The following CLSTN2 variants were observed in gnomAD, a reference collection of about 807,000 sequenced individuals.
CLSTN2 encodes calsyntenin 2, also known as calsyntenin-2.
In CLSTN2, 48 loss-of-function variants were observed where a neutral mutation model predicts 101.2. That is an observed-to-expected ratio of 0.47 (90% CI 0.38 to 0.60). The LOEUF is 0.60. Among genes scored for constraint, CLSTN2 ranks in the 20% least tolerant of loss-of-function variants. The pLI, the probability that CLSTN2 is intolerant of heterozygous loss-of-function variation, is 0.00. For synonymous variants in CLSTN2, 481 were observed against 463.6 expected (o/e 1.04, Z -0.48); for missense variants, 1,160 against 1,238.2 (o/e 0.94, Z 0.95).
intron 5 of CLSTN2, among the ~76,000 whole-genome samples, chr3:140,445,607 A>C (rs1207271225): frequency 2.0e-5 from 3 of 152,174 alleles, no homozygotes; most frequent in Non-Finnish European, 4.4e-5. Context: ...GAGGAGAGAT[A>C]GATGATTCTA....
chr3:140,477,674 T>C (rs1019221510), intron 8 of CLSTN2, among the ~76,000 whole-genome samples: 1 of 152,202 alleles, frequency 6.6e-6, no homozygotes, highest in Non-Finnish European at 1.5e-5. Flanking sequence ...CCAAGCACCA[T>C]GCTCCAAAGC....
rs539935843 is a variant in CLSTN2, at chr3:140,289,575, T to A, written c.232+113502T>A. Among the ~76,000 whole-genome samples, 3 of 152,300 alleles carry A rather than the reference T, an allele frequency of 2.0e-5. No individual in the cohort carries two copies. In the East Asian group the frequency reaches 5.8e-4, roughly 29 times the overall value. On this transcript the variant is annotated intron_variant, in intron 2 of 16. Coordinates refer to ENST00000458420, the MANE Select transcript of CLSTN2 (RefSeq NM_022131.3). Reference sequence around the variant, plus strand: ...ACTGGGTCTCTGACCCTTTCATGGCTTCTCATTGCCTCCAGAATCAAGACC... The same window carrying A: ...ACTGGGTCTCTGACCCTTTCATGGCATCTCATTGCCTCCAGAATCAAGACC...
At chr3:140,021,562 G>A (rs951839625) in intron 1 of CLSTN2, among the ~76,000 whole-genome samples, 1 of 152,142 alleles carries the variant, frequency 6.6e-6, no homozygotes, top group Non-Finnish European at 1.5e-5. Flanking sequence ...GGTGGGTTGT[G>A]TGTGTTTATG....
intron 8 of CLSTN2, chr3:140,507,283 T>C (rs1326525653): frequency 6.6e-6 from 1 of 152,232 alleles, no homozygotes; most frequent in African/African-American, 2.4e-5. Context: ...ACTAGTGTTA[T>C]CATTTCTGTT....
At chr3:140,214,142 C>T (rs951590908) in intron 2 of CLSTN2, among the ~76,000 whole-genome samples, 5 of 151,744 alleles carry the variant, frequency 3.3e-5, no homozygotes, top group African/African-American at 1.2e-4. Context: ...ACTTCCTTAT[C>T]TATAAAAAAA....
intron 2 of CLSTN2, among the ~76,000 whole-genome samples, chr3:140,230,649 A>C (rs1010598471): frequency 6.6e-6 from 1 of 152,190 alleles, no homozygotes; most frequent in Non-Finnish European, 1.5e-5. Context: ...CTCTGCAGAC[A>C]CAAAATCTGC....
At chr3:140,309,941 A>G (rs1053822581) in intron 2 of CLSTN2, among the ~76,000 whole-genome samples, 7 of 152,080 alleles carry the variant, frequency 4.6e-5, no homozygotes, top group African/African-American at 9.7e-5. Context: ...CAGGACTGAC[A>G]TTTCTCACCG....
intron 1 of CLSTN2, among the ~76,000 whole-genome samples, chr3:140,013,405 T>A (rs2007129002): frequency 6.6e-6 from 1 of 152,186 alleles, no homozygotes. Context: ...AGCTACTTGT[T>A]CCGGCTCTTT....
At chr3:140,216,916 G>C (rs972295598) in intron 2 of CLSTN2, among the ~76,000 whole-genome samples, 2 of 152,140 alleles carry the variant, frequency 1.3e-5, no homozygotes, top group African/African-American at 2.4e-5. Context: ...TGTCATAAAT[G>C]CCTTACATAT....
At chr3:140,350,949 T>C (rs1174767120) in intron 2 of CLSTN2, among the ~76,000 whole-genome samples, 1 of 152,166 alleles carries the variant, frequency 6.6e-6, no homozygotes, top group Non-Finnish European at 1.5e-5. Flanking sequence ...GACCCTGCAG[T>C]AGATTTATTC....
rs527960406 is a variant in CLSTN2 at position 140,576,614 on chromosome 3, C to T, written c.*10361C>T. On this transcript the variant is annotated 3_prime_UTR_variant, in exon 17 of 17. Coordinates refer to ENST00000458420, the MANE Select transcript of CLSTN2 (RefSeq NM_022131.3). Reference sequence around the variant, plus strand: ...AGAGAGAGGTATGTTTTCTCTCCTCCAGAGTCTCTGTGGTGTTGACACAGC... The same window carrying T: ...AGAGAGAGGTATGTTTTCTCTCCTCTAGAGTCTCTGTGGTGTTGACACAGC... 10 of 152,306 alleles carry T rather than the reference C, an allele frequency of 6.6e-5. No individual in the cohort carries two copies. The highest frequency in any genetic ancestry group is 2.4e-4 in the African/African-American group (10 of 41,578). The allele number at this position is 152,306 out of a possible 1,614,324, so 9.4% of individuals were successfully genotyped here.
At chr3:139,979,247 C>T (rs1161312633) in intron 1 of CLSTN2, among the ~76,000 whole-genome samples, 1 of 152,100 alleles carries the variant, frequency 6.6e-6, no homozygotes, top group Non-Finnish European at 1.5e-5. Context: ...TTTGTGAGGG[C>T]TTCATTAGCA....
At chr3:140,175,570 A>G (rs1163409879) in intron 1 of CLSTN2, among the ~76,000 whole-genome samples, 1 of 152,250 alleles carries the variant, frequency 6.6e-6, no homozygotes, top group African/African-American at 2.4e-5. Context: ...ACTCTGAAAC[A>G]TCTATTAATA....
chr3:140,109,203 AC>A (rs774585932), intron 1 of CLSTN2, among the ~76,000 whole-genome samples: 4 of 152,170 alleles, frequency 2.6e-5, no homozygotes, highest in Non-Finnish European at 5.9e-5. Context: ...GGACAAGATT[AC>A]CTGCACCATT....
chr3:140,497,572 G>C (rs1002208286), intron 8 of CLSTN2, among the ~76,000 whole-genome samples: 4 of 152,164 alleles, frequency 2.6e-5, no homozygotes, highest in Admixed American at 2.6e-4. Flanking sequence ...TGCTGCCCCT[G>C]CTGGCTGGAA....
In CLSTN2 at chr3:140,004,005, T is replaced by A. The variant is rs755102933; in HGVS notation, c.109+68522T>A. ...TTTTTTGTATGCTCGTCATTGCATA[T>A]AAAATGTTATGGAGGTGCTAATATT... On this transcript the variant is annotated intron_variant, in intron 1 of 16. Coordinates refer to ENST00000458420, the MANE Select transcript of CLSTN2 (RefSeq NM_022131.3). 1.1e-3 allele frequency among the ~76,000 whole-genome samples: 171 copies of A among 152,330 alleles called. No homozygotes were observed. The Middle Eastern group carries it at 0.014, about 12-fold the overall frequency.
At chr3:140,513,363 A>C (rs1934850529) in intron 8 of CLSTN2, among the ~76,000 whole-genome samples, 1 of 152,162 alleles carries the variant, frequency 6.6e-6, no homozygotes, top group Admixed American at 6.5e-5. Context: ...CTATTGAGAT[A>C]ATCATGTGGT....
At chr3:140,454,573 G>T (rs1426155449) in intron 6 of CLSTN2, 1 of 152,132 alleles carries the variant, frequency 6.6e-6, no homozygotes, top group African/African-American at 2.4e-5. Flanking sequence ...TTATCAGTCG[G>T]GGTAAGACAG....
chr3:140,370,573 C>T (rs2107956965), intron 2 of CLSTN2, among the ~76,000 whole-genome samples: 1 of 152,200 alleles, frequency 6.6e-6, no homozygotes. Flanking sequence ...GTTGTTGTAT[C>T]AGGTTTCAAG....
Sources: gnomAD v4.1 joint callset for allele counts (sites outside exome capture counted in the v4.1 genomes callset) on GRCh38, gnomAD v4.1.1 for gene constraint, MANE v1.5 for transcripts, NCBI Gene and HGNC (gene_info 2026-07-23, HGNC 2026-07-21) for gene names.